Variants in TPRG1 observed in about 807,000 individuals in gnomAD.
TPRG1 encodes the protein tumor protein p63 regulated 1, also known as tumor protein p63-regulated gene 1 protein.
In TPRG1, 29 loss-of-function variants were observed where a neutral mutation model predicts 29.3. That is an observed-to-expected ratio of 0.99 (90% CI 0.74 to 1.35). TPRG1 has a LOEUF of 1.35. Among genes scored for constraint, TPRG1 ranks in the 40% most tolerant of loss-of-function variants. TPRG1 has a pLI of 0.00. For synonymous variants in TPRG1, 130 were observed against 116.8 expected (o/e 1.11, Z -0.73); for missense variants, 327 against 335.0 (o/e 0.98, Z 0.19).
intron 4 of TPRG1, among the ~76,000 whole-genome samples, chr3:189,285,182 AG>A (rs1217324531): frequency 1.3e-5 from 2 of 152,168 alleles, no homozygotes; most frequent in Non-Finnish European, 2.9e-5. Flanking sequence ...CAAAAGACAC[AG>A]AAAAAATGCT....
In TPRG1 at chr3:189,023,056, G is replaced by A. The variant is rs1035632627; in HGVS notation, c.-659-694G>A. ...AACTCCCTGACCCCTTGCACTTCCC[G>A]AGTGAGGCAATACCTCGCCCTGCTT... On this transcript the variant is annotated intron_variant, in intron 3 of 10. Transcript: ENST00000433971. Among the ~76,000 whole-genome samples, 24 of 152,292 alleles carry A rather than the reference G, an allele frequency of 1.6e-4. No homozygotes were observed. The South Asian group carries it at 2.3e-3, about 14-fold the overall frequency.
intron 5 of TPRG1, among the ~76,000 whole-genome samples, chr3:189,315,279 TGTGTGTGTG>T (rs746187763): frequency 1.9e-5 from 1 of 53,854 alleles, no homozygotes; most frequent in Non-Finnish European, 3.2e-5. Flanking sequence ...CTGAAAGAAT[TGTGTGTGTG>T]TGTGTGTGTG....
chr3:189,138,809 T>C (rs1209703341), intron 3 of TPRG1, among the ~76,000 whole-genome samples: 1 of 152,174 alleles, frequency 6.6e-6, no homozygotes, highest in African/African-American at 2.4e-5. Flanking sequence ...GAGGGCTTTA[T>C]GCATATAAGA....
intron 4 of TPRG1, among the ~76,000 whole-genome samples, chr3:189,243,763 T>TA (rs1740977478): frequency 6.6e-6 from 1 of 152,172 alleles, no homozygotes; most frequent in Non-Finnish European, 1.5e-5. Context: ...CTTCCACAGA[T>TA]ACCTAGGGCA....
chr3:189,087,376 G>T (rs1318970959), intron 4 of TPRG1, among the ~76,000 whole-genome samples: 1 of 150,488 alleles, frequency 6.6e-6, no homozygotes, highest in Non-Finnish European at 1.5e-5. Flanking sequence ...TTGTAAATTT[G>T]TTTGAGTTCT....
intron 1 of TPRG1, among the ~76,000 whole-genome samples, chr3:189,174,692 C>T (rs1729254134): frequency 6.6e-6 from 1 of 152,164 alleles, no homozygotes; most frequent in Non-Finnish European, 1.5e-5. Flanking sequence ...ATACCGTTGG[C>T]TCTGATACCT....
intron 4 of TPRG1, among the ~76,000 whole-genome samples, chr3:189,254,914 G>A (rs555179541): frequency 1.3e-5 from 2 of 152,294 alleles, no homozygotes; most frequent in African/African-American, 2.4e-5. Flanking sequence ...AGCTTAAGGA[G>A]TTTTGGGGCT....
chr3:189,100,910 G>A (rs968663944), intron 1 of TPRG1, among the ~76,000 whole-genome samples: 1 of 152,148 alleles, frequency 6.6e-6, no homozygotes, highest in Admixed American at 6.5e-5. Flanking sequence ...TAGCTTGGAG[G>A]CATCCTATTT....
At chr3:189,295,758 C>T (rs908853488) in intron 4 of TPRG1, among the ~76,000 whole-genome samples, 2 of 151,976 alleles carry the variant, frequency 1.3e-5, no homozygotes, top group Admixed American at 6.6e-5. Flanking sequence ...AATTAAAGAC[C>T]GTGCTCAAAC....
intron 1 of TPRG1, chr3:189,120,447 A>C (rs923355423): frequency 5.3e-5 from 8 of 152,212 alleles, no homozygotes; most frequent in African/African-American, 1.9e-4. Flanking sequence ...GTAAGTTCCA[A>C]GATGTAGATT....
intron 1 of TPRG1, among the ~76,000 whole-genome samples, chr3:189,206,012 TTTCCTTCCTTCC>T (rs149478955): frequency 2.4e-5 from 3 of 125,644 alleles, no homozygotes; most frequent in Non-Finnish European, 3.5e-5. Context: ...TGCAGGTACA[TTTCCTTCCTTCC>T]TTCCTTCCTT....
At chr3:189,219,462 G>A (rs10937383) in intron 3 of TPRG1, 25,450 of 533,418 alleles carry the variant, frequency 0.048, 3,590 homozygotes, top group African/African-American at 0.37. Flanking sequence ...TATAAAGACA[G>A]GATAGTGTTT....
intron 4 of TPRG1, among the ~76,000 whole-genome samples, chr3:189,035,616 G>A (rs1284997427): frequency 1.3e-5 from 2 of 152,022 alleles, no homozygotes; most frequent in African/African-American, 4.8e-5. Context: ...AAAATGGGCA[G>A]AAGACATGAA....
upstream of TPRG1, among the ~76,000 whole-genome samples, chr3:189,099,676 G>A (rs755513404): frequency 7.9e-5 from 12 of 152,068 alleles, no homozygotes; most frequent in Admixed American, 5.9e-4. Flanking sequence ...CTACAGCCCC[G>A]CCGGTAGCTC....
intron 1 of TPRG1, among the ~76,000 whole-genome samples, chr3:189,203,568 A>G (rs1381206507): frequency 1.3e-5 from 2 of 152,196 alleles, no homozygotes; most frequent in African/African-American, 4.8e-5. Context: ...TTTGCGTGTT[A>G]TTTTGAATGC....
intron 1 of TPRG1, among the ~76,000 whole-genome samples, chr3:189,177,917 G>A (rs1729708732): frequency 6.6e-6 from 1 of 152,194 alleles, no homozygotes; most frequent in South Asian, 2.1e-4. Context: ...GGAGATGGAG[G>A]AGGAGTAGCC....
intron 3 of TPRG1, among the ~76,000 whole-genome samples, chr3:189,221,455 GCCTCTTTCATATTTGGCATTC>G (rs962595564): frequency 6.1e-4 from 93 of 152,306 alleles, no homozygotes; most frequent in African/African-American, 2.1e-3. Context: ...GCCAAGGGTT[GCCTCTTTCATATTTGGCATTC>G]CCTGAAGAGC....
At chr3:189,085,825 G>A (rs1717898770) in intron 4 of TPRG1, among the ~76,000 whole-genome samples, 1 of 152,112 alleles carries the variant, frequency 6.6e-6, no homozygotes, top group Non-Finnish European at 1.5e-5. Flanking sequence ...TTACACTTGA[G>A]GATATGGATG....
chr3:189,089,696 C>T (rs1464997391), intron 4 of TPRG1, among the ~76,000 whole-genome samples: 1 of 152,146 alleles, frequency 6.6e-6, no homozygotes, highest in Non-Finnish European at 1.5e-5. Flanking sequence ...CCACCAGTCC[C>T]ATTATCATGA....
Sources: gnomAD v4.1 joint callset for allele counts (sites outside exome capture counted in the v4.1 genomes callset) on GRCh38, gnomAD v4.1.1 for gene constraint, MANE v1.5 for transcripts, NCBI Gene and HGNC (gene_info 2026-07-23, HGNC 2026-07-21) for gene names.